PDGFD: variants seen among roughly 807,000 people sequenced by gnomAD.
PDGFD encodes the protein platelet-derived growth factor D.
Under a neutral mutation model 44.7 loss-of-function variants are expected in PDGFD, and 30 were observed. That is an observed-to-expected ratio of 0.67 (90% CI 0.50 to 0.91). The LOEUF (loss-of-function observed/expected upper bound fraction) is 0.91. PDGFD is among the 40% of genes least tolerant of loss of function. The pLI is 0.00. For missense variants in PDGFD, 445 were observed against 457.8 expected (o/e 0.97, Z 0.25); for synonymous variants, 173 against 168.4 (o/e 1.03, Z -0.21).
At chr11:103,948,556 C>T (rs1858695064) in intron 3 of PDGFD, among the ~76,000 whole-genome samples, 1 of 152,170 alleles carries the variant, frequency 6.6e-6, no homozygotes, top group Non-Finnish European at 1.5e-5. Flanking sequence ...TTTTTACAAT[C>T]CACAGATGGC....
intron 1 of PDGFD, among the ~76,000 whole-genome samples, chr11:104,010,903 C>G (rs982376790): frequency 6.6e-6 from 1 of 151,988 alleles, no homozygotes; most frequent in African/African-American, 2.4e-5. Context: ...TAACTTAACA[C>G]CCAGAAAATA....
intron 1 of PDGFD, among the ~76,000 whole-genome samples, chr11:104,102,143 C>T (rs1309379537): frequency 6.6e-6 from 1 of 152,132 alleles, no homozygotes; most frequent in Non-Finnish European, 1.5e-5. Context: ...AACAGGCAAC[C>T]TACAGAATGG....
intron 1 of PDGFD, among the ~76,000 whole-genome samples, chr11:104,053,621 T>C (rs1369375055): frequency 1.3e-5 from 2 of 152,196 alleles, no homozygotes; most frequent in African/African-American, 4.8e-5. Context: ...AAAACCAAAT[T>C]GCATTCACAT....
At chr11:104,061,206 G>A (rs1429849578) in intron 1 of PDGFD, among the ~76,000 whole-genome samples, 1 of 141,038 alleles carries the variant, frequency 7.1e-6, no homozygotes, top group Non-Finnish European at 1.5e-5. Flanking sequence ...AAATAACAGA[G>A]TATATCTTTA....
Position 104,147,812 on chromosome 11 carries a change from C to A in PDGFD, c.124+15992G>T, listed in dbSNP as rs570296596. ...CAAAATCTGTATCAAATACACATTACAAATACAAATAATAGGTTAAATCCT... is the reference window on the plus strand; with the variant it reads ...CAAAATCTGTATCAAATACACATTAAAAATACAAATAATAGGTTAAATCCT... On this transcript the variant is annotated intron_variant, in intron 1 of 6. Coordinates refer to ENST00000393158, the MANE Select transcript of PDGFD (RefSeq NM_025208.5). 1.2e-4 allele frequency among the ~76,000 whole-genome samples: 19 copies of A among 152,210 alleles called. No individual in the cohort carries two copies. The South Asian group carries it at 2.9e-3, about 23-fold the overall frequency.
At position 103,978,540 on chromosome 11, in the gene PDGFD, G is replaced by A. The variant is rs956451323; in HGVS notation, c.510+17525C>T. ...TGAGAGAAACACTCCAGCCTACTGAGTTTTTTTTAATGGAATTAAGAAGCT... is the reference window on the plus strand; with the variant it reads ...TGAGAGAAACACTCCAGCCTACTGAATTTTTTTTAATGGAATTAAGAAGCT... On this transcript the variant is annotated intron_variant, in intron 3 of 6. Transcript: ENST00000393158. Among the ~76,000 whole-genome samples the A allele has an allele frequency of 4.0e-5, 6 of 151,852 alleles. No individual in the cohort carries two copies. The South Asian group carries it at 1.2e-3, about 32-fold the overall frequency.
intron 1 of PDGFD, among the ~76,000 whole-genome samples, chr11:104,071,251 C>G (rs1160991601): frequency 1.3e-5 from 2 of 151,874 alleles, no homozygotes; most frequent in East Asian, 3.9e-4. Flanking sequence ...GTCATAATAA[C>G]TTTAACTTAA....
rs1239621021 is a variant in PDGFD, at chr11:103,995,979, C to T, written c.510+86G>A. 4 of 1,196,968 alleles carry T rather than the reference C, an allele frequency of 3.3e-6. No individual in the cohort carries two copies. In the Admixed American group the frequency reaches 9.2e-5, roughly 27 times the overall value. The allele number at this position is 1,196,968 out of a possible 1,614,324, so 74.1% of individuals were successfully genotyped here. On this transcript the variant is annotated intron_variant, in intron 3 of 6. Transcript: ENST00000393158. The stretch of plus-strand genomic sequence containing the variant: ...AAGGAACTAATAAAGTTCACTCACC[C>T]TCACTGAATTTGATCATAGAAAATT...
At chr11:103,997,918 C>T (rs1021345591) in intron 2 of PDGFD, among the ~76,000 whole-genome samples, 1 of 151,894 alleles carries the variant, frequency 6.6e-6, no homozygotes, top group Non-Finnish European at 1.5e-5. Context: ...TTTCTACCTG[C>T]TATACTTCTA....
At chr11:103,930,507 C>T (rs781630808) in intron 5 of PDGFD, among the ~76,000 whole-genome samples, 11 of 150,894 alleles carry the variant, frequency 7.3e-5, no homozygotes, top group Non-Finnish European at 1.5e-4. Context: ...ACAATCATTA[C>T]TCTTACTTTT....
chr11:104,144,836 G>A (rs1862140548), intron 1 of PDGFD, among the ~76,000 whole-genome samples: 1 of 152,136 alleles, frequency 6.6e-6, no homozygotes, highest in African/African-American at 2.4e-5. Flanking sequence ...CAACCATAAA[G>A]CAAGAAGATG....
At chr11:103,952,042 C>T (rs1346697294) in intron 3 of PDGFD, among the ~76,000 whole-genome samples, 2 of 152,166 alleles carry the variant, frequency 1.3e-5, no homozygotes, top group Non-Finnish European at 2.9e-5. Context: ...TTGCTAGTAG[C>T]AAGCCAGTAG....
intron 1 of PDGFD, among the ~76,000 whole-genome samples, chr11:104,133,753 G>A (rs545527718): frequency 2.6e-5 from 4 of 152,270 alleles, no homozygotes; most frequent in South Asian, 2.1e-4. Context: ...GAGGGCAAGA[G>A]TATTTTATAA....
chr11:104,117,281 A>T (rs1861656080), intron 1 of PDGFD, among the ~76,000 whole-genome samples: 1 of 152,050 alleles, frequency 6.6e-6, no homozygotes, highest in Non-Finnish European at 1.5e-5. Context: ...AACAATACTG[A>T]ATGAAGAAAA....
At chr11:103,985,364 T>A (rs2134354932) in intron 3 of PDGFD, among the ~76,000 whole-genome samples, 1 of 151,008 alleles carries the variant, frequency 6.6e-6, no homozygotes, top group African/African-American at 2.5e-5. Context: ...CATGCCTAAA[T>A]TATTGTCAAG....
At chr11:104,061,034 T>A (rs554806067) in intron 1 of PDGFD, among the ~76,000 whole-genome samples, 1 of 152,266 alleles carries the variant, frequency 6.6e-6, no homozygotes, top group Admixed American at 6.5e-5. Flanking sequence ...CCTGGTAACC[T>A]CTAATCTACT....
At chr11:104,013,441 G>T (rs1487155603) in intron 1 of PDGFD, among the ~76,000 whole-genome samples, 1 of 152,116 alleles carries the variant, frequency 6.6e-6, no homozygotes, top group Non-Finnish European at 1.5e-5. Flanking sequence ...AGATGCTACT[G>T]TGTGGCTGGA....
chr11:104,127,810 G>A (rs1861861286), intron 1 of PDGFD, among the ~76,000 whole-genome samples: 1 of 152,020 alleles, frequency 6.6e-6, no homozygotes, highest in Non-Finnish European at 1.5e-5. Flanking sequence ...TAACACCCAG[G>A]GCATCTCTGA....
intron 1 of PDGFD, among the ~76,000 whole-genome samples, chr11:104,089,912 C>A (rs1861186604): frequency 6.6e-6 from 1 of 152,074 alleles, no homozygotes; most frequent in Admixed American, 6.6e-5. Context: ...CCATTGCTCC[C>A]TAGATAAAGA....
Sources: gnomAD v4.1 joint callset for allele counts (sites outside exome capture counted in the v4.1 genomes callset) on GRCh38, gnomAD v4.1.1 for gene constraint, MANE v1.5 for transcripts, NCBI Gene and HGNC (gene_info 2026-07-23, HGNC 2026-07-21) for gene names.